The following PKN2 variants were observed in gnomAD, a reference collection of about 807,000 sequenced individuals.
The protein encoded by PKN2 is protein kinase N2.
PKN2 carries 38 observed loss-of-function variants against 119.1 expected under a neutral mutation model. The observed-to-expected ratio is 0.32, with a 90% CI of 0.25 to 0.42. The LOEUF (loss-of-function observed/expected upper bound fraction) is 0.42. Among genes scored for constraint, PKN2 ranks in the 10% least tolerant of loss-of-function variants. The probability of loss-of-function intolerance (pLI) is 1.00; values close to 1 mark genes in which losing one functional copy is unlikely to be tolerated. For missense variants in PKN2, 850 were observed against 1,165.1 expected (o/e 0.73, Z 3.94); for synonymous variants, 390 against 384.9 (o/e 1.01, Z -0.15).
chr1:88,731,777 G>C (rs528141696), intron 1 of PKN2, among the ~76,000 whole-genome samples: 25 of 152,308 alleles, frequency 1.6e-4, no homozygotes, highest in Non-Finnish European at 3.2e-4. Context: ...CCAGTGAGGA[G>C]TAAACATCCT....
intron 6 of PKN2, among the ~76,000 whole-genome samples, chr1:88,777,847 A>G (rs1670166915): frequency 6.6e-6 from 1 of 152,190 alleles, no homozygotes; most frequent in African/African-American, 2.4e-5. Flanking sequence ...CTTAAGACTG[A>G]CTGAACAGAC....
intron 1 of PKN2, among the ~76,000 whole-genome samples, chr1:88,716,501 A>G (rs1255912859): frequency 2.0e-5 from 3 of 152,114 alleles, no homozygotes; most frequent in Non-Finnish European, 2.9e-5. Flanking sequence ...TATATATTTA[A>G]GATAGTTAGC....
intron 18 of PKN2, among the ~76,000 whole-genome samples, chr1:88,826,174 T>C (rs1303624352): frequency 6.6e-6 from 1 of 152,224 alleles, no homozygotes; most frequent in Non-Finnish European, 1.5e-5. Flanking sequence ...CCTTAAAGAC[T>C]GTGTCTTACT....
intron 17 of PKN2, among the ~76,000 whole-genome samples, chr1:88,823,973 C>T (rs1487310212): frequency 6.9e-6 from 1 of 145,854 alleles, no homozygotes; most frequent in Non-Finnish European, 1.5e-5. Context: ...CACGCCATTG[C>T]ACTCCAGCCT....
At chr1:88,705,767 T>C (rs913277735) in intron 1 of PKN2, among the ~76,000 whole-genome samples, 1 of 152,116 alleles carries the variant, frequency 6.6e-6, no homozygotes, top group African/African-American at 2.4e-5. Context: ...AATCAGTTGT[T>C]CATATATGTG....
intron 2 of PKN2, among the ~76,000 whole-genome samples, chr1:88,742,071 A>G (rs555417168): frequency 3.9e-5 from 6 of 152,234 alleles, no homozygotes; most frequent in South Asian, 2.1e-4. Context: ...TAGTCTTTCT[A>G]TAACTTTTCA....
chr1:88,820,182 ATATATATATATATATAT>A (rs1672193478), intron 16 of PKN2, among the ~76,000 whole-genome samples: 61 of 8,144 alleles, frequency 7.5e-3, no homozygotes, highest in Admixed American at 0.014. Context: ...TCAGAAACCT[ATATATATATATATATAT>A]ATATATATAT....
At chr1:88,830,494 G>A (rs777615585) in intron 19 of PKN2, among the ~76,000 whole-genome samples, 17 of 151,866 alleles carry the variant, frequency 1.1e-4, no homozygotes, top group Non-Finnish European at 1.9e-4. Flanking sequence ...GGTTTTTTTG[G>A]TTTTGTTTCA....
intron 2 of PKN2, among the ~76,000 whole-genome samples, chr1:88,759,103 G>T (rs888562371): frequency 2.0e-5 from 3 of 152,144 alleles, no homozygotes; most frequent in African/African-American, 7.2e-5. Context: ...AGTGGCTTAC[G>T]CCTGTAATCC....
At chr1:88,740,150 A>G (rs1463003392) in intron 1 of PKN2, among the ~76,000 whole-genome samples, 1 of 152,178 alleles carries the variant, frequency 6.6e-6, no homozygotes, top group Non-Finnish European at 1.5e-5. Flanking sequence ...CGTTTTATAT[A>G]AGTGACTTGG....
intron 8 of PKN2, among the ~76,000 whole-genome samples, chr1:88,789,155 A>G (rs777975326): frequency 1.3e-5 from 2 of 152,132 alleles, no homozygotes; most frequent in Non-Finnish European, 2.9e-5. Context: ...AGCAGTTAGG[A>G]CAAGTAAAAA....
Position 88,833,544 on chromosome 1 carries a change from T to G in PKN2, c.*96T>G, listed in dbSNP as rs1672818562. 2 of 873,274 alleles carry G rather than the reference T, an allele frequency of 2.3e-6. No homozygotes were observed. The highest frequency in any genetic ancestry group is 2.5e-5 in the Admixed American group (1 of 40,706). 54.1% of individuals were successfully genotyped at this position (873,274 alleles called of 1,614,324 possible). ...CTCTGTGCCACCAATAGCTTCTGAG[T>G]TTTTTGTTGTTGTTGTTTTTATTGA... On this transcript the variant is annotated 3_prime_UTR_variant, in exon 22 of 22. Transcript: ENST00000370521.
intron 1 of PKN2, among the ~76,000 whole-genome samples, chr1:88,736,248 TA>T (rs1365835881): frequency 6.6e-6 from 1 of 152,214 alleles, no homozygotes. Context: ...TGAGTTTCCT[TA>T]AAACAGCTCT....
chr1:88,722,018 A>G (rs1272574181), intron 1 of PKN2, among the ~76,000 whole-genome samples: 1 of 152,212 alleles, frequency 6.6e-6, no homozygotes, highest in Non-Finnish European at 1.5e-5. Flanking sequence ...ACAGTACTAG[A>G]CGAAAGTTGA....
At chr1:88,833,205 TTAAC>T in intron 21 of PKN2, 36 bp from the exon 22 acceptor site, 2 of 1,610,316 alleles carry the variant, frequency 1.2e-6, no homozygotes, top group South Asian at 1.1e-5. Context: ...GCGATTAGAT[TTAAC>T]AAACTAAACT....
At chr1:88,690,614 A>G (rs1666294379) in intron 1 of PKN2, among the ~76,000 whole-genome samples, 2 of 152,232 alleles carry the variant, frequency 1.3e-5, no homozygotes. Flanking sequence ...AAACAGAAAT[A>G]GAGAATCTTT....
intron 6 of PKN2, 54 bp downstream of exon 6, chr1:88,771,933 C>A: frequency 8.5e-7 from 1 of 1,178,506 alleles, no homozygotes; most frequent in South Asian, 1.3e-5. Context: ...ATAACTGGTT[C>A]TGATTTAATA....
chr1:88,779,274 A>G (rs961563671), intron 6 of PKN2, among the ~76,000 whole-genome samples: 2 of 151,802 alleles, frequency 1.3e-5, no homozygotes, highest in African/African-American at 4.8e-5. Flanking sequence ...TTGATTAAAC[A>G]TTTGCTTATT....
intron 1 of PKN2, among the ~76,000 whole-genome samples, chr1:88,722,223 A>G (rs1488355254): frequency 2.0e-5 from 3 of 152,082 alleles, no homozygotes; most frequent in Non-Finnish European, 2.9e-5. Context: ...AATCATTAAG[A>G]GGACAATTAT....
Sources: allele counts gnomAD v4.1 joint callset (sites outside exome capture counted in the v4.1 genomes callset), GRCh38; gene constraint gnomAD v4.1.1; transcripts MANE v1.5; gene names NCBI Gene and HGNC (gene_info 2026-07-23, HGNC 2026-07-21).